Variants in KIF16B observed in about 807,000 individuals in gnomAD.
KIF16B encodes kinesin-like protein KIF16B.
In KIF16B, 98 loss-of-function variants were observed where a neutral mutation model predicts 156.3. The ratio of observed to expected loss-of-function variants is 0.63; its 90% CI spans 0.53 to 0.74. The LOEUF (loss-of-function observed/expected upper bound fraction) is 0.74, where lower values mean the gene tolerates loss of function less well. KIF16B is among the 30% of genes least tolerant of loss of function. The pLI, the probability that KIF16B is intolerant of heterozygous loss-of-function variation, is 0.00. For synonymous variants in KIF16B, 564 were observed against 583.7 expected (o/e 0.97, Z 0.49); for missense variants, 1,421 against 1,606.5 (o/e 0.88, Z 1.97).
intron 1 of KIF16B, among the ~76,000 whole-genome samples, chr20:16,563,865 CAT>C (rs1334384649): frequency 3.3e-5 from 5 of 152,152 alleles, no homozygotes. Context: ...AAATACCAGA[CAT>C]TTGCATCATA....
At chr20:16,291,915 A>G (rs545455502) in intron 25 of KIF16B, among the ~76,000 whole-genome samples, 2 of 152,360 alleles carry the variant, frequency 1.3e-5, no homozygotes, top group South Asian at 2.1e-4. Context: ...TGCTCACAGC[A>G]TTTATTCAGA....
intron 17 of KIF16B, among the ~76,000 whole-genome samples, chr20:16,402,417 G>A (rs1201536291): frequency 1.3e-5 from 2 of 152,188 alleles, no homozygotes; most frequent in African/African-American, 2.4e-5. Flanking sequence ...CTGGTTCATA[G>A]GAGGCATTCA....
intron 12 of KIF16B, among the ~76,000 whole-genome samples, chr20:16,478,937 CA>C (rs2067897580): frequency 6.6e-6 from 1 of 152,178 alleles, no homozygotes; most frequent in South Asian, 2.1e-4. Flanking sequence ...AATAACCCAG[CA>C]ATTCTACTTC....
chr20:16,543,328 A>G (rs1163228733), intron 1 of KIF16B, among the ~76,000 whole-genome samples: 1 of 152,178 alleles, frequency 6.6e-6, no homozygotes, highest in African/African-American at 2.4e-5. Flanking sequence ...CAGAACAAAA[A>G]TCCAGAACAG....
At chr20:16,280,689 T>A (rs1239218562) in intron 25 of KIF16B, among the ~76,000 whole-genome samples, 1 of 152,168 alleles carries the variant, frequency 6.6e-6, no homozygotes, top group African/African-American at 2.4e-5. Flanking sequence ...GCTCTTCAAA[T>A]GTAGGAGAAA....
At chr20:16,374,060 T>C (rs1330488814) in intron 20 of KIF16B, among the ~76,000 whole-genome samples, 197 bp downstream of exon 20, 1 of 152,134 alleles carries the variant, frequency 6.6e-6, no homozygotes, top group Admixed American at 6.5e-5. Context: ...AGGTCTCAAG[T>C]CCTTGATTTT....
At chr20:16,356,592 T>G in intron 22 of KIF16B, 140 bp from the exon 23 acceptor site, 1 of 906,964 alleles carries the variant, frequency 1.1e-6, no homozygotes, top group Non-Finnish European at 1.6e-6. Flanking sequence ...TTTAGAAAAA[T>G]GATGGTTTCC....
intron 1 of KIF16B, among the ~76,000 whole-genome samples, chr20:16,550,357 G>A (rs994879617): frequency 2.0e-5 from 3 of 151,786 alleles, no homozygotes; most frequent in Non-Finnish European, 2.9e-5. Context: ...AACAGGTGCT[G>A]GAGAGGATGT....
At chr20:16,374,533 A>G in intron 19 of KIF16B, 124 bp from the exon 20 acceptor site, 1 of 888,970 alleles carries the variant, frequency 1.1e-6, no homozygotes, top group Non-Finnish European at 1.6e-6. Context: ...AAAGAACTTT[A>G]CCTTCTAGTA....
chr20:16,447,904 G>A (rs2066977363), intron 12 of KIF16B, among the ~76,000 whole-genome samples: 1 of 152,174 alleles, frequency 6.6e-6, no homozygotes, highest in South Asian at 2.1e-4. Flanking sequence ...CCAGAAGCTT[G>A]AGTCTAGCCT....
Position 16,470,661 on chromosome 20 carries a change from C to CTT in KIF16B, c.1302+23628_1302+23629dup, listed in dbSNP as rs1247299482. Among the ~76,000 whole-genome samples the CTT allele has an allele frequency of 1.7e-4, 23 of 136,778 alleles. No homozygotes were observed. The South Asian group carries it at 2.3e-3, about 14-fold the overall frequency. The allele number at this position is 136,778 out of a possible 152,430, so 89.7% of individuals were successfully genotyped here. ...ACCATGCCCAGCAAATTCTTTTTTTCTTTTTTTTTTTTTTTGGTAGAGACA... is the reference window on the plus strand; with the variant it reads ...ACCATGCCCAGCAAATTCTTTTTTTCTTTTTTTTTTTTTTTTTGGTAGAGACA... On this transcript the variant is annotated intron_variant, in intron 12 of 25. Transcript: ENST00000354981.
chr20:16,440,533 G>GCACACACACACA (rs71192333), intron 12 of KIF16B, among the ~76,000 whole-genome samples: 14 of 138,250 alleles, frequency 1.0e-4, no homozygotes, highest in Non-Finnish European at 1.7e-4. Flanking sequence ...ACAAGCGCGC[G>GCACACACACACA]CACACACACA....
At chr20:16,471,531 T>C (rs2067662587) in intron 12 of KIF16B, among the ~76,000 whole-genome samples, 1 of 152,224 alleles carries the variant, frequency 6.6e-6, no homozygotes, top group Non-Finnish European at 1.5e-5. Context: ...TGAATCTTCC[T>C]TGCAGACCTC....
intron 17 of KIF16B, among the ~76,000 whole-genome samples, chr20:16,396,364 A>G (rs779845770): frequency 5.9e-5 from 9 of 152,226 alleles, no homozygotes; most frequent in Non-Finnish European, 8.8e-5. Flanking sequence ...GCTGGGGAGC[A>G]CTGAGGTATG....
intron 25 of KIF16B, among the ~76,000 whole-genome samples, chr20:16,302,606 A>T (rs774689541): frequency 4.6e-5 from 7 of 152,216 alleles, no homozygotes; most frequent in Non-Finnish European, 1.0e-4. Context: ...AAGAACTGAC[A>T]TCCTAACAGT....
intron 1 of KIF16B, among the ~76,000 whole-genome samples, chr20:16,559,605 CA>C (rs11405074): frequency 1.3e-4 from 19 of 148,166 alleles, no homozygotes; most frequent in Middle Eastern, 3.5e-3. Context: ...CCCATCTCTA[CA>C]AAAAAAAAAA....
chr20:16,370,013 T>C (rs2064777887), intron 22 of KIF16B, among the ~76,000 whole-genome samples: 1 of 152,210 alleles, frequency 6.6e-6, no homozygotes, highest in Non-Finnish European at 1.5e-5. Context: ...GTCTGTTCAG[T>C]AATGTATGGA....
At chr20:16,295,263 T>C (rs892680925) in intron 25 of KIF16B, among the ~76,000 whole-genome samples, 5 of 152,218 alleles carry the variant, frequency 3.3e-5, no homozygotes, top group African/African-American at 7.2e-5. Flanking sequence ...CGGTGGCTGC[T>C]GGCCTGAGGT....
At chr20:16,291,260 T>C (rs1236360485) in intron 25 of KIF16B, among the ~76,000 whole-genome samples, 2 of 152,330 alleles carry the variant, frequency 1.3e-5, no homozygotes, top group East Asian at 3.9e-4. Context: ...AGAAAGTCTA[T>C]CAAATCTTAA....
Sources: allele counts gnomAD v4.1 joint callset (sites outside exome capture counted in the v4.1 genomes callset), GRCh38; gene constraint gnomAD v4.1.1; transcripts MANE v1.5; gene names NCBI Gene and HGNC (gene_info 2026-07-23, HGNC 2026-07-21).